STMN3: variants seen among roughly 807,000 people sequenced by gnomAD.
STMN3 encodes stathmin 3.
Under a neutral mutation model 23.2 loss-of-function variants are expected in STMN3, and 24 were observed. That is an observed-to-expected ratio of 1.03 (90% CI 0.75 to 1.45). STMN3 has a LOEUF of 1.45. Among genes scored for constraint, STMN3 ranks in the 40% most tolerant of loss-of-function variants. STMN3 has a pLI of 0.00. For missense variants in STMN3, 235 were observed against 237.6 expected (o/e 0.99, Z 0.07); for synonymous variants, 117 against 103.4 (o/e 1.13, Z -0.80).
Position 63,641,447 on chromosome 20 carries a change from A to C in STMN3, c.484-50T>G. 5.4e-6 allele frequency: 8 copies of C among 1,473,898 alleles called. No individual in the cohort carries two copies. The Admixed American group carries it at 1.0e-4, about 19-fold the overall frequency. The allele number at this position is 1,473,898 out of a possible 1,614,324, so 91.3% of individuals were successfully genotyped here. A position where few individuals can be genotyped will look rare whatever the true frequency, so the allele number is the denominator to read the frequency against. On this transcript the variant is annotated intron_variant, in intron 4 of 4. Transcript: ENST00000370053. The stretch of plus-strand genomic sequence containing the variant: ...CTGAGGGCGGGGGTGGCTTGGGGCG[A>C]CTCCGGGAACCCCCAGGCGCGCAGG...
chr20:63,642,337 C>G, intron 3 of STMN3, 38 bp from the exon 4 acceptor site: 1 of 1,370,982 alleles, frequency 7.3e-7, no homozygotes, highest in East Asian at 3.0e-5. Context: ...GCGGCAACCC[C>G]GGGCCCTGCC....
chr20:63,647,176 C>T (rs528854896), intron 1 of STMN3, among the ~76,000 whole-genome samples: 3 of 151,490 alleles, frequency 2.0e-5, no homozygotes, highest in African/African-American at 4.9e-5. Flanking sequence ...GGCGTGGTGG[C>T]GGGCTCCTCT....
chr20:63,651,956 T>C (rs1569071846), intron 1 of STMN3, among the ~76,000 whole-genome samples: 1 of 152,082 alleles, frequency 6.6e-6, no homozygotes, highest in Admixed American at 6.5e-5. Context: ...GAGGCGGCCC[T>C]GGAGAGGACG....
chr20:63,652,690 C>G lies in STMN3; in HGVS notation c.19+637G>C. 1 of 985,898 alleles carries G rather than the reference C, an allele frequency of 1.0e-6. No homozygotes were observed. Among genetic ancestry groups the G allele is most frequent in the South Asian group, 4.7e-5 (1 of 21,304 alleles). 61.1% of individuals were successfully genotyped at this position (985,898 alleles called of 1,614,324 possible). ...CCTCCCCCATCCAGACCCCGCGGCG[C>G]AAAGGGCAGTGGCTTTTCTGGCCAG... On this transcript the variant is annotated intron_variant, in intron 1 of 4. Transcript: ENST00000370053. The surrounding 1 kb of genome is among the most constrained non-coding windows in gnomAD (Gnocchi z 5.3).
intron 3 of STMN3, 170 bp downstream of exon 3, chr20:63,643,586 C>T (rs1289696143): frequency 2.1e-6 from 2 of 970,490 alleles, no homozygotes; most frequent in Non-Finnish European, 2.4e-6. Flanking sequence ...CGGCCTCTCC[C>T]CATCCCATTC....
chr20:63,641,689 C>A (rs956743063), intron 4 of STMN3, among the ~76,000 whole-genome samples: 52 of 152,166 alleles, frequency 3.4e-4, no homozygotes, highest in Non-Finnish European at 4.3e-4. Context: ...TCTATTACTG[C>A]GGCTAGTTAC....
intron 2 of STMN3, 70 bp from the exon 3 acceptor site, chr20:63,644,001 C>A (rs1470149604): frequency 1.3e-6 from 2 of 1,562,718 alleles, no homozygotes; most frequent in Non-Finnish European, 1.7e-6. Flanking sequence ...GCGGGATGCT[C>A]CCAGCACACA....
At chr20:63,646,214 G>A (rs570103916) in intron 1 of STMN3, among the ~76,000 whole-genome samples, 8 of 152,030 alleles carry the variant, frequency 5.3e-5, no homozygotes, top group South Asian at 2.1e-4. Flanking sequence ...AGGCCCGTGC[G>A]AGAGCCTTTG....
In STMN3 at chr20:63,641,298, C is replaced by A. The variant is rs764058908; in HGVS notation, c.*40G>T. The A allele has an allele frequency of 1.3e-6, 2 of 1,546,668 alleles. No individual in the cohort carries two copies. The highest frequency in any genetic ancestry group is 2.7e-5 in the African/African-American group (2 of 73,000). On this transcript the variant is annotated 3_prime_UTR_variant, in exon 5 of 5. Transcript: ENST00000370053. ...GAACGAAACAAAACCAAAACCCGAACGTGTTCTGTCGCAGGATGGGCGCCG... is the reference window on the plus strand; with the variant it reads ...GAACGAAACAAAACCAAAACCCGAAAGTGTTCTGTCGCAGGATGGGCGCCG...
chr20:63,640,562 G>GGGCGGGGCGGCGGGGCTGTCCCAC lies in STMN3; in HGVS notation c.*775_*776insGTGGGACAGCCCCGCCGCCCCGCC, dbSNP rs2089751204. On this transcript the variant is annotated 3_prime_UTR_variant, in exon 5 of 5. Transcript: ENST00000370053. Reference sequence around the variant, plus strand: ...CAAGGACATCTGCAAAGCCCTGGTGGGGAGGGGCCTGGGCCAGAGGCTCTT... The same window carrying GGGCGGGGCGGCGGGGCTGTCCCAC: ...CAAGGACATCTGCAAAGCCCTGGTGGGGCGGGGCGGCGGGGCTGTCCCACGGAGGGGCCTGGGCCAGAGGCTCTT... The GGGCGGGGCGGCGGGGCTGTCCCAC allele has an allele frequency of 2.5e-5, 1 of 39,822 alleles. No homozygotes were observed. Among genetic ancestry groups the GGGCGGGGCGGCGGGGCTGTCCCAC allele is most frequent in the South Asian group, 4.4e-4 (1 of 2,260 alleles). The allele number at this position is 39,822 out of a possible 1,614,324, so 2.5% of individuals were successfully genotyped here. A position where few individuals can be genotyped will look rare whatever the true frequency, so the allele number is the denominator to read the frequency against.
chr20:63,644,453 C>T (rs943797653), intron 1 of STMN3, 144 bp from the exon 2 acceptor site: 5 of 638,818 alleles, frequency 7.8e-6, no homozygotes, highest in South Asian at 1.8e-5. Context: ...TCCACACCGC[C>T]GGCCCCTTCG....
chr20:63,643,320 C>T (rs999069639), intron 3 of STMN3, among the ~76,000 whole-genome samples: 16 of 152,160 alleles, frequency 1.1e-4, no homozygotes, highest in Non-Finnish European at 2.2e-4. Flanking sequence ...CACCCTGTCG[C>T]CCGGGCTGAG....
chr20:63,643,727 T>TG, intron 3 of STMN3, 29 bp downstream of exon 3: 1 of 1,509,506 alleles, frequency 6.6e-7, no homozygotes, highest in Non-Finnish European at 8.8e-7. Context: ...TTGAAACTCC[T>TG]GGGGGGTGGG....
chr20:63,644,057 A>G (rs2146115485), intron 2 of STMN3, 126 bp from the exon 3 acceptor site: 1 of 1,412,280 alleles, frequency 7.1e-7, no homozygotes, highest in Non-Finnish European at 9.6e-7. Flanking sequence ...TCCCGCAGGA[A>G]TCCCAGGCTT....
At chr20:63,641,452 G>C in intron 4 of STMN3, 55 bp from the exon 5 acceptor site, 1 of 1,469,606 alleles carries the variant, frequency 6.8e-7, no homozygotes, top group Non-Finnish European at 9.3e-7. Flanking sequence ...GGGCGACTCC[G>C]GGAACCCCCA....
intron 3 of STMN3, 147 bp downstream of exon 3, chr20:63,643,605 CAGAA>C (rs1236451918): frequency 7.4e-7 from 1 of 1,351,372 alleles, no homozygotes; most frequent in African/African-American, 1.5e-5. Flanking sequence ...TCTTATCTCT[CAGAA>C]AGAGGCCCAG....
In STMN3 at chr20:63,652,913, C is replaced by G; in HGVS notation, c.19+414G>C. ...GCTTTGGCAGAGGGTCCCACCCTCTCCCCGCCTCCCCACGAAGGCTCTGGC... is the reference window on the plus strand; with the variant it reads ...GCTTTGGCAGAGGGTCCCACCCTCTGCCCGCCTCCCCACGAAGGCTCTGGC... On this transcript the variant is annotated intron_variant, in intron 1 of 4. Transcript: ENST00000370053. The surrounding 1 kb of genome is among the most constrained non-coding windows in gnomAD (Gnocchi z 5.3). 8 of 514,192 alleles carry G rather than the reference C, an allele frequency of 1.6e-5. No homozygotes were observed. The highest frequency in any genetic ancestry group is 2.0e-5 in the Non-Finnish European group (8 of 399,112). 31.9% of individuals were successfully genotyped at this position (514,192 alleles called of 1,614,324 possible).
intron 1 of STMN3, among the ~76,000 whole-genome samples, chr20:63,647,798 CG>C (rs1156488695): frequency 8.8e-6 from 1 of 113,678 alleles, no homozygotes; most frequent in Non-Finnish European, 1.8e-5. Flanking sequence ...AATATATATA[CG>C]TATATATACA....
intron 1 of STMN3, among the ~76,000 whole-genome samples, chr20:63,648,457 C>T (rs911780176): frequency 7.9e-5 from 12 of 152,156 alleles, no homozygotes; most frequent in African/African-American, 2.9e-4. Flanking sequence ...TGAATGTGGC[C>T]GGGCGCAGTG....
Sources: gnomAD v4.1 joint callset for allele counts (sites outside exome capture counted in the v4.1 genomes callset) on GRCh38, gnomAD v4.1.1 for gene constraint, Gnocchi (gnomAD v3.1) non-coding constraint, MANE v1.5 for transcripts, NCBI Gene and HGNC (gene_info 2026-07-23, HGNC 2026-07-21) for gene names.